Variants in SLC9A9 observed in about 807,000 individuals in gnomAD.
SLC9A9 encodes sodium/hydrogen exchanger 9.
Under a neutral mutation model 77.8 loss-of-function variants are expected in SLC9A9, and 62 were observed. That is an observed-to-expected ratio of 0.80 (90% CI 0.65 to 0.98). The LOEUF (loss-of-function observed/expected upper bound fraction) is 0.98, where lower values mean the gene tolerates loss of function less well. Among genes scored for constraint, SLC9A9 ranks in the 50% least tolerant of loss-of-function variants. The probability of loss-of-function intolerance (pLI) is 0.00; values close to 1 mark genes in which losing one functional copy is unlikely to be tolerated. For synonymous variants in SLC9A9, 320 were observed against 283.5 expected (o/e 1.13, Z -1.29); for missense variants, 775 against 774.9 (o/e 1.00, Z 0.00).
chr3:143,651,883 C>T (rs1223696325), intron 6 of SLC9A9, among the ~76,000 whole-genome samples: 3 of 152,138 alleles, frequency 2.0e-5, no homozygotes, highest in Non-Finnish European at 4.4e-5. Flanking sequence ...CCCATAAATA[C>T]AAGGGTTTCT....
chr3:143,783,315 T>A (rs958804560), intron 4 of SLC9A9, among the ~76,000 whole-genome samples: 6 of 152,132 alleles, frequency 3.9e-5, no homozygotes, highest in Non-Finnish European at 8.8e-5. Context: ...CAGGCAACAC[T>A]GAGGCTCTAC....
At chr3:143,518,213 A>G (rs562671593) in intron 9 of SLC9A9, 1 of 1,597,940 alleles carries the variant, frequency 6.3e-7, no homozygotes, top group East Asian at 2.2e-5. Context: ...AAGCTTGTTC[A>G]CTTTGCGGGG....
intron 6 of SLC9A9, among the ~76,000 whole-genome samples, chr3:143,611,098 G>T (rs2038015656): frequency 6.6e-6 from 1 of 151,982 alleles, no homozygotes; most frequent in African/African-American, 2.4e-5. Context: ...GGCATAGAAG[G>T]CTAGAAAAAA....
rs2032572369 is a variant in SLC9A9 at position 143,355,893 on chromosome 3, C to T, written c.1604+7591G>A. The stretch of plus-strand genomic sequence containing the variant: ...ACTCTACAAGGGGAGAAGTGACCTT[C>T]TGATTTCTTATTTGTGTAAATCTAG... On this transcript the variant is annotated intron_variant, in intron 14 of 15. Coordinates refer to ENST00000316549, the MANE Select transcript of SLC9A9 (RefSeq NM_173653.4). 5.3e-5 allele frequency among the ~76,000 whole-genome samples: 8 copies of T among 152,210 alleles called. No homozygotes were observed. In the South Asian group the frequency reaches 1.7e-3, roughly 32 times the overall value.
intron 6 of SLC9A9, among the ~76,000 whole-genome samples, chr3:143,619,815 A>T (rs1181005158): frequency 6.6e-6 from 1 of 152,230 alleles, no homozygotes; most frequent in Non-Finnish European, 1.5e-5. Context: ...CCAACAGAAG[A>T]GGCCAAGTAA....
chr3:143,600,940 C>G (rs557031231), intron 6 of SLC9A9, among the ~76,000 whole-genome samples: 1 of 152,260 alleles, frequency 6.6e-6, no homozygotes, highest in African/African-American at 2.4e-5. Context: ...GGAGGAAGTT[C>G]TGTGTGATTT....
At chr3:143,591,281 T>C (rs926170248) in intron 6 of SLC9A9, among the ~76,000 whole-genome samples, 11 of 152,370 alleles carry the variant, frequency 7.2e-5, no homozygotes, top group Admixed American at 5.2e-4. Flanking sequence ...TCACTTCGGT[T>C]CAAGTTATCT....
At chr3:143,427,447 T>G (rs570987170) in intron 12 of SLC9A9, among the ~76,000 whole-genome samples, 10 of 152,360 alleles carry the variant, frequency 6.6e-5, no homozygotes, top group Admixed American at 1.3e-4. Flanking sequence ...GAGAAGCAAG[T>G]GATCTCCAAT....
At chr3:143,328,006 C>T (rs536672559) in intron 14 of SLC9A9, among the ~76,000 whole-genome samples, 1 of 152,230 alleles carries the variant, frequency 6.6e-6, no homozygotes, top group Non-Finnish European at 1.5e-5. Context: ...ACATTTTTTT[C>T]TGTATGCACA....
chr3:143,806,669 G>GACA (rs757219008), intron 2 of SLC9A9, among the ~76,000 whole-genome samples: 14 of 151,006 alleles, frequency 9.3e-5, no homozygotes, highest in Non-Finnish European at 1.9e-4. Flanking sequence ...TGAAACAATT[G>GACA]AACTCATGGA....
At chr3:143,799,168 C>A (rs930254726) in intron 2 of SLC9A9, among the ~76,000 whole-genome samples, 3 of 152,174 alleles carry the variant, frequency 2.0e-5, no homozygotes, top group African/African-American at 7.2e-5. Flanking sequence ...AGCATTTGGG[C>A]TCTTTTTCAT....
intron 2 of SLC9A9, among the ~76,000 whole-genome samples, chr3:143,822,975 C>G (rs951911950): frequency 6.9e-6 from 1 of 144,736 alleles, no homozygotes; most frequent in Non-Finnish European, 1.5e-5. Context: ...CATCACAGAG[C>G]ACACATAATT....
chr3:143,533,573 C>G (rs1040514273), intron 9 of SLC9A9, among the ~76,000 whole-genome samples: 1 of 152,108 alleles, frequency 6.6e-6, no homozygotes, highest in Admixed American at 6.5e-5. Context: ...ATATGTGAAA[C>G]ACAGCAAAGC....
At chr3:143,833,919 A>G (rs6440195) in intron 1 of SLC9A9, among the ~76,000 whole-genome samples, 144,924 of 152,234 alleles carry the variant, frequency 0.95, 69,074 homozygotes, top group East Asian at 1. Context: ...CTAGACCTAG[A>G]CCATAGGCAG....
intron 4 of SLC9A9, among the ~76,000 whole-genome samples, chr3:143,742,350 T>C (rs556369765): frequency 6.6e-6 from 1 of 152,286 alleles, no homozygotes; most frequent in African/African-American, 2.4e-5. Flanking sequence ...AAAACTCCGG[T>C]CTCCCACACA....
intron 8 of SLC9A9, among the ~76,000 whole-genome samples, chr3:143,568,857 G>A (rs1342981606): frequency 6.6e-6 from 1 of 152,018 alleles, no homozygotes; most frequent in Non-Finnish European, 1.5e-5. Context: ...AAATCAAATA[G>A]TGCAGTGCAA....
chr3:143,598,619 C>G (rs16853926), intron 6 of SLC9A9, among the ~76,000 whole-genome samples: 31,099 of 152,226 alleles, frequency 0.2, 3,513 homozygotes, highest in African/African-American at 0.3. Context: ...CATGCTACCC[C>G]GGAACATTAC....
At chr3:143,394,216 A>C (rs552557176) in intron 12 of SLC9A9, among the ~76,000 whole-genome samples, 19 of 152,350 alleles carry the variant, frequency 1.2e-4, no homozygotes, top group African/African-American at 3.6e-4. Context: ...AAATACTGGC[A>C]AACTGAATCC....
At chr3:143,423,751 G>A (rs1167691512) in intron 12 of SLC9A9, among the ~76,000 whole-genome samples, 2 of 152,212 alleles carry the variant, frequency 1.3e-5, no homozygotes, top group Admixed American at 6.5e-5. Context: ...GGTAGAAAGA[G>A]TAACTTTACA....
Sources: gnomAD v4.1 joint callset for allele counts (sites outside exome capture counted in the v4.1 genomes callset) on GRCh38, gnomAD v4.1.1 for gene constraint, MANE v1.5 for transcripts, NCBI Gene and HGNC (gene_info 2026-07-23, HGNC 2026-07-21) for gene names.